Variants in ERBB4 observed in about 807,000 individuals in gnomAD.
ERBB4 encodes the protein erb-b2 receptor tyrosine kinase 4.
Under a neutral mutation model 158.0 loss-of-function variants are expected in ERBB4, and 42 were observed. The ratio of observed to expected loss-of-function variants is 0.27; its 90% CI spans 0.21 to 0.34. The LOEUF is 0.34. Ranked by LOEUF, ERBB4 falls within the 10% of genes least tolerant of loss-of-function variation. The probability of loss-of-function intolerance (pLI) is 1.00; values close to 1 mark genes in which losing one functional copy is unlikely to be tolerated. For synonymous variants in ERBB4, 583 were observed against 558.7 expected (o/e 1.04, Z -0.61); for missense variants, 1,333 against 1,624.1 (o/e 0.82, Z 3.08).
intron 1 of ERBB4, among the ~76,000 whole-genome samples, chr2:212,396,281 T>C (rs887319601): frequency 6.6e-6 from 1 of 152,168 alleles, no homozygotes; most frequent in Admixed American, 6.6e-5. Context: ...AAATTCAGAA[T>C]GAATCCAGAG....
At chr2:211,702,315 T>C (rs2073283979) in intron 11 of ERBB4, 149 bp from the exon 12 acceptor site, 1 of 722,072 alleles carries the variant, frequency 1.4e-6, no homozygotes, top group African/African-American at 1.8e-5. Flanking sequence ...TTTTACATGC[T>C]ATATACAGTT....
At chr2:211,890,617 G>T (rs996892590) in intron 3 of ERBB4, among the ~76,000 whole-genome samples, 1 of 141,444 alleles carries the variant, frequency 7.1e-6, no homozygotes, top group African/African-American at 2.7e-5. Context: ...TGGCAAATTG[G>T]ATAAAGAGTC....
intron 25 of ERBB4, among the ~76,000 whole-genome samples, chr2:211,419,827 T>C (rs2063477599): frequency 6.6e-6 from 1 of 152,052 alleles, no homozygotes; most frequent in Non-Finnish European, 1.5e-5. Context: ...AAGAATGGAA[T>C]TCATATAGAG....
chr2:211,816,688 A>G (rs984807721), intron 3 of ERBB4, among the ~76,000 whole-genome samples: 3 of 152,204 alleles, frequency 2.0e-5, no homozygotes, highest in Middle Eastern at 3.2e-3. Context: ...CTAATTTTAA[A>G]TAAAATAGTT....
chr2:212,408,560 T>C (rs1411843365), intron 1 of ERBB4, among the ~76,000 whole-genome samples: 1 of 152,056 alleles, frequency 6.6e-6, no homozygotes, highest in African/African-American at 2.4e-5. Context: ...GGAGTATCCC[T>C]TGAGCCCAGG....
At chr2:212,184,911 A>G (rs1402441567) in intron 1 of ERBB4, among the ~76,000 whole-genome samples, 5 of 152,130 alleles carry the variant, frequency 3.3e-5, no homozygotes, top group Non-Finnish European at 5.9e-5. Context: ...TATTAGGATT[A>G]ACAAGGACCA....
chr2:211,566,182 G>A (rs182047197), intron 19 of ERBB4, among the ~76,000 whole-genome samples: 78 of 152,310 alleles, frequency 5.1e-4, no homozygotes, highest in African/African-American at 1.9e-3. Context: ...ATAGGGACCA[G>A]AACTGGTAGG....
At chr2:211,631,014 TG>T (rs2070103035) in intron 16 of ERBB4, among the ~76,000 whole-genome samples, 1 of 152,204 alleles carries the variant, frequency 6.6e-6, no homozygotes, top group South Asian at 2.1e-4. Context: ...GTAATTTCTC[TG>T]AAGCAGGCTT....
At chr2:211,799,397 AT>A (rs1247454976) in intron 3 of ERBB4, among the ~76,000 whole-genome samples, 1 of 152,136 alleles carries the variant, frequency 6.6e-6, no homozygotes, top group Non-Finnish European at 1.5e-5. Context: ...GTAAATAAAT[AT>A]TTTAAAATCT....
chr2:212,471,025 GAAT>G (rs1689092268), intron 1 of ERBB4, among the ~76,000 whole-genome samples: 1 of 151,888 alleles, frequency 6.6e-6, no homozygotes, highest in Admixed American at 6.6e-5. Flanking sequence ...ACCTAGACAA[GAAT>G]AACAACATTC....
intron 1 of ERBB4, among the ~76,000 whole-genome samples, chr2:212,227,248 A>G (rs1453102558): frequency 1.6e-5 from 1 of 61,246 alleles, no homozygotes; most frequent in African/African-American, 3.4e-5. Flanking sequence ...CCACCTCAAA[A>G]AAAAAAAAAA....
At chr2:212,381,062 A>C (rs2090487578) in intron 1 of ERBB4, among the ~76,000 whole-genome samples, 1 of 151,402 alleles carries the variant, frequency 6.6e-6, no homozygotes, top group Admixed American at 6.6e-5. Flanking sequence ...AAAAAGTCAT[A>C]GTTAAATGTC....
At chr2:211,964,230 T>A (rs1236363212) in intron 2 of ERBB4, among the ~76,000 whole-genome samples, 1 of 152,186 alleles carries the variant, frequency 6.6e-6, no homozygotes, top group Admixed American at 6.6e-5. Flanking sequence ...TATCCCCTCC[T>A]CTTCTGGAGA....
intron 2 of ERBB4, among the ~76,000 whole-genome samples, chr2:212,035,676 G>A (rs796135690): frequency 1.3e-5 from 2 of 152,018 alleles, no homozygotes; most frequent in East Asian, 1.9e-4. Context: ...CTTTCCTCCC[G>A]CAAATGTTAG....
intron 1 of ERBB4, among the ~76,000 whole-genome samples, chr2:212,328,607 A>C (rs1037968959): frequency 1.3e-5 from 2 of 152,068 alleles, no homozygotes; most frequent in Non-Finnish European, 2.9e-5. Flanking sequence ...AATTCTTTAA[A>C]ACTCAAATAT....
intron 2 of ERBB4, among the ~76,000 whole-genome samples, chr2:211,969,445 T>C (rs707283): frequency 0.74 from 112,315 of 151,990 alleles, 43,077 homozygotes; most frequent in East Asian, 0.89. Flanking sequence ...TACATATACA[T>C]ACTTTTTTTC....
chr2:212,492,088 T>C lies in ERBB4; in HGVS notation c.82+46361A>G, dbSNP rs188279456. Among the ~76,000 whole-genome samples, 704 of 151,586 alleles carry C rather than the reference T, an allele frequency of 4.6e-3. 3 individuals carry two copies. The highest frequency in any genetic ancestry group is 6.7e-3 in the Non-Finnish European group (454 of 67,544). On this transcript the variant is annotated intron_variant, in intron 1 of 27. Transcript: ENST00000342788. Reference sequence around the variant, plus strand: ...TAGCAGAGAACAAAAATAACGTAAATTTGGTGGAATCAGAAAATACATCTT... The same window carrying C: ...TAGCAGAGAACAAAAATAACGTAAACTTGGTGGAATCAGAAAATACATCTT...
intron 1 of ERBB4, among the ~76,000 whole-genome samples, chr2:212,190,054 C>A (rs1321333663): frequency 6.6e-6 from 1 of 152,158 alleles, no homozygotes; most frequent in Non-Finnish European, 1.5e-5. Flanking sequence ...ATAGGCATAG[C>A]TACCTTCTAA....
chr2:211,680,513 A>G (rs1014613136), intron 12 of ERBB4, among the ~76,000 whole-genome samples: 7 of 152,182 alleles, frequency 4.6e-5, no homozygotes, highest in Admixed American at 3.9e-4. Flanking sequence ...TGGCAAGAAC[A>G]TTTGCGAGGT....
Sources: gnomAD v4.1 joint callset for allele counts (sites outside exome capture counted in the v4.1 genomes callset) on GRCh38, gnomAD v4.1.1 for gene constraint, MANE v1.5 for transcripts, NCBI Gene and HGNC (gene_info 2026-07-23, HGNC 2026-07-21) for gene names.